LRRC75B: variants seen among roughly 807,000 people sequenced by gnomAD.
LRRC75B encodes the protein leucine-rich repeat-containing protein 75B.
A neutral mutation model predicts 16.5 loss-of-function variants in LRRC75B; 20 were observed. The ratio of observed to expected loss-of-function variants is 1.21; its 90% CI spans 0.85 to 1.76. LRRC75B has a LOEUF of 1.76. LRRC75B is among the 40% of genes most tolerant of loss of function. The pLI, the probability that LRRC75B is intolerant of heterozygous loss-of-function variation, is 0.00. For synonymous variants in LRRC75B, 199 were observed against 198.1 expected (o/e 1.00, Z -0.04); for missense variants, 406 against 417.0 (o/e 0.97, Z 0.23).
chr22:24,592,102 G>T (rs2045585678), intron 1 of LRRC75B: 3 of 357,616 alleles, frequency 8.4e-6, no homozygotes, highest in South Asian at 6.0e-5. Context: ...GCAGGTAGTG[G>T]TGGTAGCTGC....
chr22:24,586,911 T>C (rs2045412301), intron 3 of LRRC75B, among the ~76,000 whole-genome samples: 1 of 152,270 alleles, frequency 6.6e-6, no homozygotes, highest in African/African-American at 2.4e-5. Context: ...TGGGACGTGG[T>C]TGTTGTGAGG....
At chr22:24,589,601 G>T in intron 2 of LRRC75B, 1 of 584,706 alleles carries the variant, frequency 1.7e-6, no homozygotes, top group South Asian at 2.6e-5. Flanking sequence ...GTCTGCCCAG[G>T]ACTCTGAGGG....
intron 1 of LRRC75B, chr22:24,592,613 C>T: frequency 1.9e-6 from 1 of 537,684 alleles, no homozygotes; most frequent in Non-Finnish European, 3.2e-6. Context: ...CACTCAGCAG[C>T]CCCCTCCTCC....
Position 24,588,273 on chromosome 22 carries a change from G to A in LRRC75B, c.363C>T (p.Leu121=), listed in dbSNP as rs752045969. Residue 121 remains leucine, a synonymous_variant, in exon 3 of 4, where the codon CTC becomes CTT. Transcript: ENST00000318753. ...DKICRQLIYH[L]TPHSKQQQGS... is the part of the protein sequence containing the mutation. The stretch of plus-strand genomic sequence containing the variant: ...CTTGCTGCTGCTTCGAGTGAGGGGT[G>A]AGGTGGTAGATGAGCTGTCGGCAGA... 1 of 1,613,686 alleles carries A rather than the reference G, an allele frequency of 6.2e-7. No individual in the cohort carries two copies.
intron 1 of LRRC75B, 28 bp downstream of exon 1, chr22:24,592,834 GC>G: frequency 7.8e-7 from 1 of 1,275,584 alleles, no homozygotes; most frequent in South Asian, 2.3e-5. Context: ...CTGGCCGCCA[GC>G]CCAGGGGCGG....
intron 3 of LRRC75B, 150 bp from the exon 4 acceptor site, chr22:24,586,561 C>T (rs147907017): frequency 2.5e-4 from 237 of 930,902 alleles, no homozygotes; most frequent in African/African-American, 1.7e-3. Flanking sequence ...GACAAAGTTT[C>T]GCTCTTTTTG....
intron 2 of LRRC75B, chr22:24,589,550 GC>G: frequency 4.3e-6 from 2 of 460,986 alleles, no homozygotes; most frequent in Non-Finnish European, 6.8e-6. Flanking sequence ...CCTGGTCTGG[GC>G]CCCCAGGCCT....
chr22:24,588,147 C>T, intron 3 of LRRC75B, 67 bp downstream of exon 3: 1 of 1,230,746 alleles, frequency 8.1e-7, no homozygotes, highest in South Asian at 1.3e-5. Context: ...GGTGAGAGTG[C>T]AGGTGTCAAC....
At chr22:24,586,518 C>G in intron 3 of LRRC75B, 107 bp from the exon 4 acceptor site, 1 of 1,201,284 alleles carries the variant, frequency 8.3e-7, no homozygotes. Flanking sequence ...TCTGGCAAAG[C>G]CAGATTCAAA....
chr22:24,590,057 C>G, intron 1 of LRRC75B, 108 bp from the exon 2 acceptor site: 1 of 1,284,578 alleles, frequency 7.8e-7, no homozygotes, highest in Non-Finnish European at 1.0e-6. Context: ...TCTCCATCTC[C>G]TCCCTAAGGC....
chr22:24,592,636 G>C, intron 1 of LRRC75B: 1 of 655,460 alleles, frequency 1.5e-6, no homozygotes, highest in Non-Finnish European at 2.4e-6. Context: ...ACGGTCCGCC[G>C]ACCTCACCCA....
chr22:24,591,791 G>C (rs1039560799), intron 1 of LRRC75B, among the ~76,000 whole-genome samples: 1 of 152,372 alleles, frequency 6.6e-6, no homozygotes, highest in East Asian at 1.9e-4. Context: ...CCAGGAGGAA[G>C]GCTGGCTGAT....
At chr22:24,591,267 AG>A (rs1285465552) in intron 1 of LRRC75B, among the ~76,000 whole-genome samples, 1 of 152,178 alleles carries the variant, frequency 6.6e-6, no homozygotes, top group Non-Finnish European at 1.5e-5. Flanking sequence ...TTAGCAGGGA[AG>A]GGGTTTCTCC....
intron 1 of LRRC75B, chr22:24,592,162 T>TG (rs1266240424): frequency 5.1e-6 from 2 of 392,460 alleles, no homozygotes; most frequent in African/African-American, 2.1e-5. Context: ...CCCAGGTGAT[T>TG]GGGGGGACCA....
intron 1 of LRRC75B, among the ~76,000 whole-genome samples, chr22:24,590,193 C>T (rs1041569256): frequency 6.6e-6 from 1 of 152,112 alleles, no homozygotes; most frequent in Non-Finnish European, 1.5e-5. Flanking sequence ...AGTGCAGTGG[C>T]GTGATCTCAG....
rs1213570299 is a variant in LRRC75B, at chr22:24,585,912, CG to C, written c.921del (p.Glu308SerfsTer21). On this transcript the variant is annotated frameshift_variant, in exon 4 of 4. Coordinates refer to ENST00000318753, the MANE Select transcript of LRRC75B (RefSeq NM_207644.3). LOFTEE classifies it high-confidence loss of function. ...TWDSTAAGLG[P>X]EPQACCAR ...CACCTGGCACAGCAGGCCTGGGGCTCGGGTCCCAGCCCAGCAGCTGTGGAGT... is the reference window on the plus strand; with the variant it reads ...CACCTGGCACAGCAGGCCTGGGGCTCGGTCCCAGCCCAGCAGCTGTGGAGT... 3 of 1,599,980 alleles carry C rather than the reference CG, an allele frequency of 1.9e-6. No homozygotes were observed. Among genetic ancestry groups the C allele is most frequent in the Non-Finnish European group, 2.6e-6 (3 of 1,174,912 alleles).
chr22:24,586,751 G>A (rs987725031), intron 3 of LRRC75B, among the ~76,000 whole-genome samples: 7 of 152,150 alleles, frequency 4.6e-5, no homozygotes, highest in African/African-American at 1.2e-4. Flanking sequence ...GGCTGGTCTC[G>A]AACTCCTGAC....
At chr22:24,586,811 G>A (rs1173816518) in intron 3 of LRRC75B, among the ~76,000 whole-genome samples, 1 of 152,242 alleles carries the variant, frequency 6.6e-6, no homozygotes, top group Non-Finnish European at 1.5e-5. Context: ...GATTACAGGC[G>A]TGAGCCACTG....
chr22:24,585,798 C>T lies in LRRC75B; in HGVS notation c.*88G>A. 1 of 1,270,412 alleles carries T rather than the reference C, an allele frequency of 7.9e-7. No individual in the cohort carries two copies. Among genetic ancestry groups the T allele is most frequent in the Non-Finnish European group, 1.1e-6 (1 of 943,098 alleles). The allele number at this position is 1,270,412 out of a possible 1,614,324, so 78.7% of individuals were successfully genotyped here. A position where few individuals can be genotyped will look rare whatever the true frequency, so the allele number is the denominator to read the frequency against. On this transcript the variant is annotated 3_prime_UTR_variant, in exon 4 of 4. Transcript: ENST00000318753. Reference sequence around the variant, plus strand: ...AGCATTTACACTGGATTTCTGGGGGCCTGTGAGTCCTCCTTGACCTTCATC... The same window carrying T: ...AGCATTTACACTGGATTTCTGGGGGTCTGTGAGTCCTCCTTGACCTTCATC...
Sources: allele counts gnomAD v4.1 joint callset (sites outside exome capture counted in the v4.1 genomes callset), GRCh38; gene constraint gnomAD v4.1.1; transcripts MANE v1.5; gene names NCBI Gene and HGNC (gene_info 2026-07-23, HGNC 2026-07-21).